Variants in USO1 observed in about 807,000 individuals in gnomAD.
USO1 encodes the protein general vesicular transport factor p115.
In USO1, 57 loss-of-function variants were observed where a neutral mutation model predicts 124.5. The ratio of observed to expected loss-of-function variants is 0.46; its 90% CI spans 0.37 to 0.57. The LOEUF (loss-of-function observed/expected upper bound fraction) is 0.57. USO1 is among the 20% of genes least tolerant of loss of function. USO1 has a pLI of 0.00. For missense variants in USO1, 900 were observed against 1,040.6 expected (o/e 0.86, Z 1.86); for synonymous variants, 369 against 362.8 (o/e 1.02, Z -0.19).
At chr4:75,806,008 A>G (rs985587510) in intron 19 of USO1, among the ~76,000 whole-genome samples, 1 of 151,816 alleles carries the variant, frequency 6.6e-6, no homozygotes, top group Non-Finnish European at 1.5e-5. Flanking sequence ...TTTTTTCTTT[A>G]GAGACAGAGT....
In USO1 at chr4:75,801,193, G is replaced by A. The variant is rs752225678; in HGVS notation, c.1979G>A (p.Arg660Gln). The change falls in exon 17 of 24, where the codon CGA becomes CAA. Residue 660 changes from arginine to glutamine, a missense_variant. Physicochemically the swap from Arg to Gln is conservative, Grantham distance 43 (BLOSUM62 1). Around this residue, in one of 2 missense-constraint regions of USO1, gnomAD observed 362 missense variants for 359.0 expected, o/e 1.01. Coordinates refer to ENST00000514213, the MANE Select transcript of USO1 (RefSeq NM_003715.4). ...GTGACTCACTACAAAAATATGATTC[G>A]AGAGCAGGTAAGTACTAATGAACTG... ...NIVTHYKNMI[R>Q]EQDLQLEELR... 16 of 1,606,466 alleles carry A rather than the reference G, an allele frequency of 1.0e-5. No homozygotes were observed. The highest frequency in any genetic ancestry group is 4.5e-5 in the South Asian group (4 of 89,012).
At chr4:75,765,602 G>T (rs956642908) in intron 4 of USO1, among the ~76,000 whole-genome samples, 3 of 150,166 alleles carry the variant, frequency 2.0e-5, no homozygotes, top group African/African-American at 7.3e-5. Context: ...AAATGGGAAG[G>T]GTGTGCAGTT....
Position 75,806,495 on chromosome 4 carries a change from C to CGGA in USO1, c.2299_2300insGGA (p.Gln767delinsArgLys). ...TTTGTGCTATTTGCAGAAATCTTCC[C>CGGA]AAACATCTGGCACAAATGAACAGTC... On this transcript the variant is annotated protein_altering_variant, in exon 20 of 24. Coordinates refer to ENST00000514213, the MANE Select transcript of USO1 (RefSeq NM_003715.4). The CGGA allele has an allele frequency of 6.4e-7, 1 of 1,558,034 alleles. No individual in the cohort carries two copies. Among genetic ancestry groups the CGGA allele is most frequent in the Non-Finnish European group, 8.7e-7 (1 of 1,150,024 alleles).
chr4:75,809,729 C>T (rs934303706), intron 21 of USO1, among the ~76,000 whole-genome samples: 4 of 152,202 alleles, frequency 2.6e-5, no homozygotes, highest in Admixed American at 6.5e-5. Context: ...CAGCATTCTT[C>T]TTCTCACTAT....
At chr4:75,797,618 A>G (rs552672535) in intron 13 of USO1, among the ~76,000 whole-genome samples, 2 of 147,420 alleles carry the variant, frequency 1.4e-5, no homozygotes, top group African/African-American at 4.9e-5. Context: ...AATTTTATTC[A>G]TTTATTTATT....
chr4:75,804,380 T>G lies in USO1; in HGVS notation c.2125+108T>G, dbSNP rs184981848. The G allele has an allele frequency of 9.2e-6, 13 of 1,411,268 alleles. No homozygotes were observed. The East Asian group carries it at 2.6e-4, about 28-fold the overall frequency. The allele number at this position is 1,411,268 out of a possible 1,614,324, so 87.4% of individuals were successfully genotyped here. A position where few individuals can be genotyped will look rare whatever the true frequency, so the allele number is the denominator to read the frequency against. ...TGGACTAGTATTTTTCTAACCTTAA[T>G]CATGGTGACAAAAATGTAAATCGGA... is the stretch of plus-strand genomic sequence containing the variant. On this transcript the variant is annotated intron_variant, in intron 18 of 23. Coordinates refer to ENST00000514213, the MANE Select transcript of USO1 (RefSeq NM_003715.4).
intron 13 of USO1, among the ~76,000 whole-genome samples, chr4:75,796,738 A>G (rs1168027625): frequency 6.6e-6 from 1 of 151,524 alleles, no homozygotes; most frequent in African/African-American, 2.4e-5. Context: ...TTTAGCCTCC[A>G]TTTGTTTTCT....
intron 1 of USO1, among the ~76,000 whole-genome samples, chr4:75,730,706 T>G: frequency 6.6e-6 from 1 of 152,204 alleles, no homozygotes; most frequent in East Asian, 1.9e-4. Context: ...TGTACTCTGC[T>G]TTTTGTCTGT....
chr4:75,810,600 T>G (rs1723120137), intron 22 of USO1, 61 bp downstream of exon 22: 1 of 1,468,834 alleles, frequency 6.8e-7, no homozygotes, highest in Non-Finnish European at 9.0e-7. Context: ...CTAGGAAATT[T>G]TATATATCTT....
intron 4 of USO1, among the ~76,000 whole-genome samples, chr4:75,766,090 A>C (rs1721761690): frequency 6.6e-6 from 1 of 152,188 alleles, no homozygotes; most frequent in African/African-American, 2.4e-5. Flanking sequence ...ACTTTAATTA[A>C]AATACAGTGA....
At position 75,770,515 on chromosome 4, in the gene USO1, C is replaced by G. The variant is rs1269812246; in HGVS notation, c.372C>G (p.Val124=). ...TEIFIKQQEN[V]TLLLSLLEEF... Reference sequence around the variant, plus strand: ...TTTTCATTAAGCAGCAGGAAAATGTCACTCTTCTGTTATCTTTATTGGAGG... The same window carrying G: ...TTTTCATTAAGCAGCAGGAAAATGTGACTCTTCTGTTATCTTTATTGGAGG... The change falls in exon 5 of 24, where the codon GTC becomes GTG. Residue 124 remains valine (V), a synonymous_variant. Coordinates refer to ENST00000514213, the MANE Select transcript of USO1 (RefSeq NM_003715.4). 1 of 1,591,462 alleles carries G rather than the reference C, an allele frequency of 6.3e-7. No individual in the cohort carries two copies. The highest frequency in any genetic ancestry group is 1.3e-5 in the African/African-American group (1 of 74,456).
At chr4:75,773,517 A>C (rs1397535857) in intron 7 of USO1, among the ~76,000 whole-genome samples, 1 of 152,200 alleles carries the variant, frequency 6.6e-6, no homozygotes, top group Non-Finnish European at 1.5e-5. Flanking sequence ...TCAGTAGGGC[A>C]ACCAATTTTT....
At chr4:75,771,375 C>T (rs548588632) in intron 7 of USO1, among the ~76,000 whole-genome samples, 204 of 152,280 alleles carry the variant, frequency 1.3e-3, no homozygotes, top group African/African-American at 4.8e-3. Flanking sequence ...GCTGGGATTA[C>T]AGACATGAGC....
chr4:75,788,169 TTA>T (rs1484376036), intron 10 of USO1, among the ~76,000 whole-genome samples: 131 of 91,670 alleles, frequency 1.4e-3, no homozygotes, highest in East Asian at 4.2e-3. Context: ...ATTTATTTAT[TTA>T]TTTTTTTTTT....
intron 17 of USO1, among the ~76,000 whole-genome samples, chr4:75,802,819 A>G (rs1005041159): frequency 1.1e-4 from 14 of 129,582 alleles, no homozygotes; most frequent in African/African-American, 3.6e-4. Flanking sequence ...ACGGTGCCTC[A>G]TGCCTGTAAT....
At chr4:75,759,910 TAA>T (rs756261195) in intron 4 of USO1, among the ~76,000 whole-genome samples, 18 of 116,444 alleles carry the variant, frequency 1.5e-4, no homozygotes, top group Admixed American at 9.0e-5. Flanking sequence ...GACTCTGTCT[TAA>T]AAAAAAAAAA....
At chr4:75,795,225 T>C in intron 13 of USO1, 2 of 664,254 alleles carry the variant, frequency 3.0e-6, no homozygotes, top group South Asian at 3.3e-5. Flanking sequence ...TCCCAAATTA[T>C]TGGCTTGAGT....
chr4:75,805,477 T>G (rs956833819), intron 19 of USO1, among the ~76,000 whole-genome samples, 174 bp downstream of exon 19: 1 of 151,756 alleles, frequency 6.6e-6, no homozygotes, highest in African/African-American at 2.4e-5. Context: ...GAGGCTGAGG[T>G]GGGCGGATCA....
At position 75,801,187 on chromosome 4, in the gene USO1, T is replaced by C. The variant is rs1357004704; in HGVS notation, c.1973T>C (p.Met658Thr). ...AATATTGTGACTCACTACAAAAATA[T>C]GATTCGAGAGCAGGTAAGTACTAAT... ...HDNIVTHYKN[M>T]IREQDLQLEE... The change falls in exon 17 of 24, where the codon ATG becomes ACG. Residue 658 changes from methionine (M) to threonine (T), a missense_variant. This residue lies in a region of USO1 where 362 missense variants were observed against 359.0 expected (regional missense o/e 1.01). Transcript: ENST00000514213. 3 of 1,607,542 alleles carry C rather than the reference T, an allele frequency of 1.9e-6. No homozygotes were observed. Among genetic ancestry groups the C allele is most frequent in the Non-Finnish European group, 2.5e-6 (3 of 1,177,790 alleles).
Sources: allele counts gnomAD v4.1 joint callset (sites outside exome capture counted in the v4.1 genomes callset), GRCh38; gene constraint gnomAD v4.1.1; regional missense constraint gnomAD v4.1.1; transcripts MANE v1.5; gene names NCBI Gene and HGNC (gene_info 2026-07-23, HGNC 2026-07-21).